Variants in GPATCH11 observed in about 807,000 individuals in gnomAD.
The protein encoded by GPATCH11 is G-patch domain containing 11.
GPATCH11 carries 32 observed loss-of-function variants against 44.8 expected under a neutral mutation model. The ratio of observed to expected loss-of-function variants is 0.71; its 90% confidence interval spans 0.54 to 0.96. The LOEUF (loss-of-function observed/expected upper bound fraction) is 0.96. Among genes scored for constraint, GPATCH11 ranks in the 40% least tolerant of loss-of-function variants. The pLI is 0.00. For synonymous variants in GPATCH11, 84 were observed against 94.4 expected (o/e 0.89, Z 0.64); for missense variants, 324 against 303.1 (o/e 1.07, Z -0.51).
chr2:37,084,540 C>G lies in GPATCH11; in HGVS notation c.-44C>G, dbSNP rs917373307. On this transcript the variant is annotated 5_prime_UTR_variant, in exon 1 of 9. Coordinates refer to ENST00000674370, the MANE Select transcript of GPATCH11 (RefSeq NM_174931.4). ...CGCATGCGCAGCGCGCGCTCTACGG[C>G]GCTGAACCGGGGCGAGCAGAGAGCT... 8.1e-7 allele frequency: 1 copy of G among 1,232,154 alleles called. No individual in the cohort carries two copies. The highest frequency in any genetic ancestry group is 1.6e-5 in the African/African-American group (1 of 64,106). 76.3% of individuals were successfully genotyped at this position (1,232,154 alleles called of 1,614,324 possible).
At chr2:37,090,611 G>C (rs755219361) in intron 3 of GPATCH11, 70 bp from the exon 4 acceptor site, 70 of 803,610 alleles carry the variant, frequency 8.7e-5, no homozygotes, top group Non-Finnish European at 1.3e-4. Context: ...GCATTGTAAA[G>C]TTGCATACTT....
intron 4 of GPATCH11, 114 bp downstream of exon 4, chr2:37,090,836 G>T: frequency 1.8e-6 from 1 of 560,268 alleles, no homozygotes. Flanking sequence ...TTACAGTTCA[G>T]TAAAATTTTG....
chr2:37,092,324 TTA>T (rs1011539467), intron 6 of GPATCH11, 69 bp downstream of exon 6: 458 of 269,910 alleles, frequency 1.7e-3, no homozygotes, highest in Middle Eastern at 3.6e-3. Context: ...CGTTTATTTA[TTA>T]TATATATATA....
At chr2:37,094,339 C>G (rs1316576409) in intron 7 of GPATCH11, 144 bp downstream of exon 7, 6 of 571,286 alleles carry the variant, frequency 1.1e-5, no homozygotes, top group African/African-American at 3.7e-5. Flanking sequence ...CCACCAGATA[C>G]CAGTTGCACT....
At position 37,097,353 on chromosome 2, in the gene GPATCH11, A is replaced by G. The variant is rs1422609654; in HGVS notation, c.*1090A>G. 1.3e-5 allele frequency: 2 copies of G among 152,214 alleles called. No individual in the cohort carries two copies. The highest frequency in any genetic ancestry group is 2.9e-5 in the Non-Finnish European group (2 of 68,036). 9.4% of individuals were successfully genotyped at this position (152,214 alleles called of 1,614,324 possible). A position where few individuals can be genotyped will look rare whatever the true frequency, so the allele number is the denominator to read the frequency against. ...CAGCTAAGGACATACCGTGTGGCATACTATGAGAGAGCTCCATCCAGGGTG... is the reference window on the plus strand; with the variant it reads ...CAGCTAAGGACATACCGTGTGGCATGCTATGAGAGAGCTCCATCCAGGGTG... On this transcript the variant is annotated 3_prime_UTR_variant, in exon 9 of 9. Transcript: ENST00000674370.
At chr2:37,090,529 A>G (rs1444842463) in intron 3 of GPATCH11, among the ~76,000 whole-genome samples, 152 bp from the exon 4 acceptor site, 1 of 152,206 alleles carries the variant, frequency 6.6e-6, no homozygotes, top group Non-Finnish European at 1.5e-5. Flanking sequence ...ATAATTGATT[A>G]TATATAGAAT....
intron 2 of GPATCH11, among the ~76,000 whole-genome samples, chr2:37,088,837 A>C (rs1673171936): frequency 6.6e-6 from 1 of 152,182 alleles, no homozygotes; most frequent in African/African-American, 2.4e-5. Flanking sequence ...GTGATTTTAA[A>C]TGTGCAGTGG....
intron 7 of GPATCH11, chr2:37,094,417 G>C: frequency 4.8e-6 from 2 of 417,138 alleles, no homozygotes; most frequent in Non-Finnish European, 8.8e-6. Flanking sequence ...AATAACCCCT[G>C]GTTGAGAGGT....
intron 4 of GPATCH11, among the ~76,000 whole-genome samples, chr2:37,091,188 G>A (rs935912496): frequency 1.3e-5 from 2 of 152,138 alleles, no homozygotes; most frequent in African/African-American, 4.8e-5. Context: ...GCCGGGCATG[G>A]TGGTGCATGC....
chr2:37,095,666 T>G, intron 8 of GPATCH11, 148 bp downstream of exon 8: 1 of 888,594 alleles, frequency 1.1e-6, no homozygotes, highest in Non-Finnish European at 1.6e-6. Flanking sequence ...TAGAAATAAT[T>G]GAGGCTTTAT....
rs770896308 is a variant in GPATCH11 at position 37,092,056 on chromosome 2, G to A, written c.449+20G>A. ...GTTTCGGTAAAACTATTTTTGAGCT[G>A]GTTTTGGTTCTATTTCCTCTTTATT... On this transcript the variant is annotated intron_variant, in intron 5 of 8. Coordinates refer to ENST00000674370, the MANE Select transcript of GPATCH11 (RefSeq NM_174931.4). 2.4e-5 allele frequency: 39 copies of A among 1,611,554 alleles called. No individual in the cohort carries two copies. The East Asian group carries it at 8.7e-4, about 36-fold the overall frequency.
intron 7 of GPATCH11, among the ~76,000 whole-genome samples, chr2:37,094,618 CTACTTA>C (rs1453683847): frequency 6.6e-6 from 1 of 151,660 alleles, no homozygotes; most frequent in Non-Finnish European, 1.5e-5. Flanking sequence ...CTTTTTTCTC[CTACTTA>C]TAAACAACAA....
chr2:37,090,875 A>C, intron 4 of GPATCH11, among the ~76,000 whole-genome samples, 153 bp downstream of exon 4: 1 of 152,236 alleles, frequency 6.6e-6, no homozygotes, highest in East Asian at 1.9e-4. Flanking sequence ...TCAACCAGAA[A>C]AGAAATAAGT....
chr2:37,091,761 A>G (rs1673328728), intron 4 of GPATCH11, among the ~76,000 whole-genome samples, 155 bp from the exon 5 acceptor site: 1 of 152,196 alleles, frequency 6.6e-6, no homozygotes, highest in African/African-American at 2.4e-5. Context: ...TTGGGCTTAA[A>G]AAAAACCCTA....
Position 37,098,519 on chromosome 2 carries a change from G to C in GPATCH11, c.*2256G>C, listed in dbSNP as rs1267709499. On this transcript the variant is annotated 3_prime_UTR_variant, in exon 9 of 9. Transcript: ENST00000674370. The stretch of plus-strand genomic sequence containing the variant: ...AATGGATAATTTCAGATGGAATGGA[G>C]TTAGACAGGAACTGGCTTCCCTTTC... 6.6e-5 allele frequency: 10 copies of C among 152,072 alleles called. No individual in the cohort carries two copies. The highest frequency in any genetic ancestry group is 5.9e-4 in the Admixed American group (9 of 15,244). 9.4% of individuals were successfully genotyped at this position (152,072 alleles called of 1,614,324 possible).
rs751678685 is a variant in GPATCH11 at position 37,095,482 on chromosome 2, C to T, written c.700C>T (p.His234Tyr). 6.2e-7 allele frequency: 1 copy of T among 1,604,694 alleles called. No individual in the cohort carries two copies. Residue 234 changes from histidine (H) to tyrosine (Y), a missense_variant, in exon 8 of 9, where the codon CAT (histidine) becomes TAT (tyrosine). By Grantham distance (83) the His-to-Tyr change is moderately conservative (BLOSUM62 2). Transcript: ENST00000674370. ...QILTSYLREE[H>Y]LYCIWCGTAY... Reference sequence around the variant, plus strand: ...ATTGACTAGTTATTTAAGAGAAGAACATCTATATTGTATTTGGTGTGGAAC... The same window carrying T: ...ATTGACTAGTTATTTAAGAGAAGAATATCTATATTGTATTTGGTGTGGAAC...
intron 1 of GPATCH11, 108 bp from the exon 2 acceptor site, chr2:37,088,261 C>T: frequency 4.3e-6 from 2 of 470,574 alleles, no homozygotes; most frequent in Non-Finnish European, 7.7e-6. Flanking sequence ...CCAAAGGGCA[C>T]TTGAATATAT....
intron 7 of GPATCH11, 28 bp downstream of exon 7, chr2:37,094,223 G>A (rs1558398548): frequency 1.4e-6 from 2 of 1,383,354 alleles, no homozygotes; most frequent in Admixed American, 2.0e-5. Flanking sequence ...TCCTTCATAG[G>A]GTGTCTCAGC....
In GPATCH11 at chr2:37,096,326, G is replaced by A; in HGVS notation, c.*63G>A. 2.8e-6 allele frequency: 3 copies of A among 1,073,526 alleles called. No homozygotes were observed. Among genetic ancestry groups the A allele is most frequent in the Non-Finnish European group, 4.1e-6 (3 of 739,174 alleles). The allele number at this position is 1,073,526 out of a possible 1,614,324, so 66.5% of individuals were successfully genotyped here. A position where few individuals can be genotyped will look rare whatever the true frequency, so the allele number is the denominator to read the frequency against. On this transcript the variant is annotated 3_prime_UTR_variant, in exon 9 of 9. Transcript: ENST00000674370. Reference sequence around the variant, plus strand: ...TTACTTCCTAGGGATAGACAATTTAGCAGTTGGAAATCTCAAATTTTTTAT... The same window carrying A: ...TTACTTCCTAGGGATAGACAATTTAACAGTTGGAAATCTCAAATTTTTTAT...
Sources: gnomAD v4.1 joint callset for allele counts (sites outside exome capture counted in the v4.1 genomes callset) on GRCh38, gnomAD v4.1.1 for gene constraint, MANE v1.5 for transcripts, NCBI Gene and HGNC (gene_info 2026-07-23, HGNC 2026-07-21) for gene names.